The following NRXN1 variants were observed in gnomAD, a reference collection of about 807,000 sequenced individuals.
NRXN1 encodes the protein neurexin 1, also known as neurexin-1.
A neutral mutation model predicts 150.9 loss-of-function variants in NRXN1; 39 were observed. That is an observed-to-expected ratio of 0.26 (90% CI 0.20 to 0.34). The LOEUF (loss-of-function observed/expected upper bound fraction) is 0.34, where lower values mean the gene tolerates loss of function less well. Ranked by LOEUF, NRXN1 falls within the 10% of genes least tolerant of loss-of-function variation. NRXN1 has a pLI of 1.00. For synonymous variants in NRXN1, 924 were observed against 757.0 expected, an observed-to-expected ratio of 1.22 and a Z score of -3.62; for missense variants, 1,815 against 1,949.9, an observed-to-expected ratio of 0.93 and a Z score of 1.30.
intron 8 of NRXN1, among the ~76,000 whole-genome samples, chr2:50,571,599 TAGTG>T (rs1670670383): frequency 6.6e-6 from 1 of 152,042 alleles, no homozygotes; most frequent in Non-Finnish European, 1.5e-5. Context: ...TTAAAGTACA[TAGTG>T]AGATCATAAA....
chr2:50,640,505 A>C (rs939659662), intron 5 of NRXN1, among the ~76,000 whole-genome samples: 2 of 152,128 alleles, frequency 1.3e-5, no homozygotes, highest in African/African-American at 4.8e-5. Flanking sequence ...CCCTTTCCCA[A>C]TTAATATATG....
rs2058964366 is a variant in NRXN1, at chr2:50,155,529, C to T, written c.3547-64035G>A. ...CAAAGGTTATTCTCATATGCTCCTT[C>T]TAAGAGTACAAATTGTTATATAATT... is the stretch of plus-strand genomic sequence containing the variant. On this transcript the variant is annotated intron_variant, in intron 18 of 22. Coordinates refer to ENST00000401669, the MANE Select transcript of NRXN1 (RefSeq NM_001330078.2). Among the ~76,000 whole-genome samples the T allele has an allele frequency of 2.0e-5, 3 of 151,446 alleles. No homozygotes were observed. The South Asian group carries it at 6.2e-4, about 31-fold the overall frequency.
rs1257193090 is a variant in NRXN1, at chr2:50,984,455, T to A, written c.772+43047A>T. On this transcript the variant is annotated intron_variant, in intron 2 of 22. Transcript: ENST00000401669. ...CCATTACCGAAAAAGTTTGCCAATCTCCATTTTACAGTACAGACCCTTTGC... is the reference window on the plus strand; with the variant it reads ...CCATTACCGAAAAAGTTTGCCAATCACCATTTTACAGTACAGACCCTTTGC... Among the ~76,000 whole-genome samples the A allele has an allele frequency of 3.9e-5, 6 of 152,140 alleles. No individual in the cohort carries two copies. In the East Asian group the frequency reaches 1.2e-3, roughly 30 times the overall value.
intron 5 of NRXN1, among the ~76,000 whole-genome samples, chr2:50,868,850 T>C (rs1677347872): frequency 2.0e-5 from 3 of 151,866 alleles, no homozygotes; most frequent in Non-Finnish European, 4.4e-5. Flanking sequence ...AAAGTATAAA[T>C]TGTAGGATTA....
In NRXN1 at chr2:50,552,609, G is replaced by A. The variant is rs1202295736; in HGVS notation, c.1737C>T (p.Asp579=). 1.2e-6 allele frequency: 2 copies of A among 1,612,976 alleles called. No individual in the cohort carries two copies. Among genetic ancestry groups the A allele is most frequent in the Admixed American group, 1.7e-5 (1 of 59,962 alleles). The change falls in exon 9 of 23, where the codon GAC becomes GAT. Residue 579 remains aspartate, a synonymous_variant. Coordinates refer to ENST00000401669, the MANE Select transcript of NRXN1 (RefSeq NM_001330078.2). The part of the protein sequence containing the change: ...KVNDGEWYHV[D]FQRDGRSGTI... ...TACCTGACCGTCCGTCTCTCTGGAAGTCCACATGATACCATTCTCCATCAT... is the reference window on the plus strand; with the variant it reads ...TACCTGACCGTCCGTCTCTCTGGAAATCCACATGATACCATTCTCCATCAT...
chr2:50,953,296 G>C (rs1428533222), intron 2 of NRXN1, among the ~76,000 whole-genome samples: 2 of 152,122 alleles, frequency 1.3e-5, no homozygotes, highest in East Asian at 1.9e-4. Flanking sequence ...AACCTAATGA[G>C]GTTGTTACAA....
chr2:50,564,840 A>C (rs1427851450), intron 8 of NRXN1, among the ~76,000 whole-genome samples: 1 of 152,154 alleles, frequency 6.6e-6, no homozygotes, highest in African/African-American at 2.4e-5. Context: ...GTCCCACATG[A>C]TTCAGATGTC....
At chr2:50,197,125 A>C (rs1310125784) in intron 18 of NRXN1, among the ~76,000 whole-genome samples, 1 of 152,160 alleles carries the variant, frequency 6.6e-6, no homozygotes, top group East Asian at 1.9e-4. Flanking sequence ...ACTTTTTTTC[A>C]GAAAATTATA....
At chr2:50,591,440 ATGT>A (rs1674228113) in intron 8 of NRXN1, among the ~76,000 whole-genome samples, 1 of 150,370 alleles carries the variant, frequency 6.7e-6, no homozygotes, top group Non-Finnish European at 1.5e-5. Flanking sequence ...AGATAGATAG[ATGT>A]ATACTAGTCA....
chr2:50,983,473 T>C (rs1697167130), intron 2 of NRXN1, among the ~76,000 whole-genome samples: 1 of 152,140 alleles, frequency 6.6e-6, no homozygotes, highest in Non-Finnish European at 1.5e-5. Flanking sequence ...CCAGTGGTAC[T>C]GGCCTTAGTC....
At chr2:50,479,919 C>G (rs2090330864) in intron 15 of NRXN1, among the ~76,000 whole-genome samples, 1 of 151,786 alleles carries the variant, frequency 6.6e-6, no homozygotes, top group Admixed American at 6.6e-5. Context: ...GATTACAGGT[C>G]TATGCCATTA....
intron 5 of NRXN1, among the ~76,000 whole-genome samples, chr2:50,651,472 AACATGACATG>A (rs59984890): frequency 0.011 from 1,651 of 149,592 alleles, 38 homozygotes; most frequent in African/African-American, 0.036. Flanking sequence ...AACATAACGT[AACATGACATG>A]ACATGACATG....
chr2:50,581,617 T>C (rs1672273485), intron 8 of NRXN1, among the ~76,000 whole-genome samples: 1 of 152,056 alleles, frequency 6.6e-6, no homozygotes, highest in African/African-American at 2.4e-5. Context: ...TGAGGAGAAA[T>C]AGGTTTAAAT....
chr2:50,745,420 C>T (rs1382536108), intron 5 of NRXN1, among the ~76,000 whole-genome samples: 1 of 146,770 alleles, frequency 6.8e-6, no homozygotes, highest in Non-Finnish European at 1.5e-5. Context: ...CCCCTTCCCT[C>T]CCTTTTTCTC....
intron 21 of NRXN1, among the ~76,000 whole-genome samples, chr2:50,001,361 C>A (rs1251378634): frequency 2.6e-5 from 4 of 152,064 alleles, no homozygotes. Flanking sequence ...ATGATCCCTT[C>A]CAGTTTATCT....
chr2:50,256,065 T>G (rs1334662669), intron 17 of NRXN1, among the ~76,000 whole-genome samples: 1 of 152,198 alleles, frequency 6.6e-6, no homozygotes, highest in East Asian at 1.9e-4. Flanking sequence ...GCAGTATTTT[T>G]GAAACAGCAG....
At chr2:50,299,982 C>A (rs1443692665) in intron 17 of NRXN1, among the ~76,000 whole-genome samples, 1 of 152,064 alleles carries the variant, frequency 6.6e-6, no homozygotes, top group Non-Finnish European at 1.5e-5. Flanking sequence ...AGAACAGAGC[C>A]TATCAAATGG....
chr2:50,460,306 C>T (rs2088037891), intron 17 of NRXN1, among the ~76,000 whole-genome samples: 1 of 152,036 alleles, frequency 6.6e-6, no homozygotes, highest in Non-Finnish European at 1.5e-5. Context: ...GTGAAGAAAA[C>T]ATTCTGACTG....
At chr2:50,358,618 T>G (rs577072269) in intron 17 of NRXN1, among the ~76,000 whole-genome samples, 1 of 152,192 alleles carries the variant, frequency 6.6e-6, no homozygotes, top group African/African-American at 2.4e-5. Context: ...CTCCCTGGGA[T>G]AGAACACATG....
Sources: allele counts gnomAD v4.1 joint callset (sites outside exome capture counted in the v4.1 genomes callset), GRCh38; gene constraint gnomAD v4.1.1; transcripts MANE v1.5; gene names NCBI Gene and HGNC (gene_info 2026-07-23, HGNC 2026-07-21).